The following KSR2 variants were observed in gnomAD, a reference collection of about 807,000 sequenced individuals.
KSR2 encodes the protein kinase suppressor of ras 2.
A neutral mutation model predicts 107.8 loss-of-function variants in KSR2; 25 were observed. The ratio of observed to expected loss-of-function variants is 0.23; its 90% confidence interval spans 0.17 to 0.32. The LOEUF (loss-of-function observed/expected upper bound fraction) is 0.32. KSR2 is among the 10% of genes least tolerant of loss of function. The pLI is 1.00. For synonymous variants in KSR2, 480 were observed against 507.0 expected, an observed-to-expected ratio of 0.95 and a Z score of 0.71; for missense variants, 887 against 1,268.9, an observed-to-expected ratio of 0.70 and a Z score of 4.57.
At chr12:117,836,935 T>G (rs1346943307) in intron 3 of KSR2, among the ~76,000 whole-genome samples, 2 of 152,244 alleles carry the variant, frequency 1.3e-5, no homozygotes, top group East Asian at 1.9e-4. Flanking sequence ...TTTCTGTCGC[T>G]TCGGAGCTCC....
intron 4 of KSR2, among the ~76,000 whole-genome samples, chr12:117,725,203 A>G (rs1486766899): frequency 6.6e-6 from 1 of 152,148 alleles, no homozygotes; most frequent in East Asian, 1.9e-4. Flanking sequence ...TTGTCTCCCA[A>G]CTGCACTCAC....
At chr12:117,473,882 C>A (rs1431824348) in intron 17 of KSR2, among the ~76,000 whole-genome samples, 1 of 152,196 alleles carries the variant, frequency 6.6e-6, no homozygotes, top group Non-Finnish European at 1.5e-5. Context: ...CCATCTGAAG[C>A]CTCAGTATTC....
At chr12:117,840,659 G>A (rs978519725) in intron 3 of KSR2, among the ~76,000 whole-genome samples, 1 of 151,822 alleles carries the variant, frequency 6.6e-6, no homozygotes, top group African/African-American at 2.4e-5. Context: ...GCATCCCAAA[G>A]TGCTGGGATT....
At chr12:117,729,030 C>T (rs747763481) in intron 4 of KSR2, among the ~76,000 whole-genome samples, 27 of 152,256 alleles carry the variant, frequency 1.8e-4, no homozygotes, top group African/African-American at 6.3e-4. Context: ...TTGCAAAATG[C>T]GGTTAGCGGT....
At chr12:117,608,139 C>T (rs139936022) in intron 5 of KSR2, among the ~76,000 whole-genome samples, 2 of 152,312 alleles carry the variant, frequency 1.3e-5, no homozygotes, top group East Asian at 1.9e-4. Context: ...AAACAGGGAA[C>T]AGTACTTAAC....
chr12:117,611,539 A>G (rs1163064940), intron 5 of KSR2, among the ~76,000 whole-genome samples: 1 of 151,636 alleles, frequency 6.6e-6, no homozygotes, highest in East Asian at 1.9e-4. Flanking sequence ...TTATGTTTAC[A>G]TTATAGAAAG....
intron 3 of KSR2, among the ~76,000 whole-genome samples, chr12:117,847,591 A>AG (rs1763402181): frequency 6.6e-6 from 1 of 152,160 alleles, no homozygotes; most frequent in African/African-American, 2.4e-5. Context: ...CTCTGCAGCC[A>AG]GAGTGTTATT....
chr12:117,742,532 G>GTGGA (rs59750473), intron 4 of KSR2, among the ~76,000 whole-genome samples: 96,959 of 149,456 alleles, frequency 0.65, 31,643 homozygotes, highest in Non-Finnish European at 0.71. Context: ...GGATGGATGG[G>GTGGA]TGGATGGATG....
chr12:117,799,979 C>T (rs117011089), intron 3 of KSR2, among the ~76,000 whole-genome samples: 2,620 of 152,304 alleles, frequency 0.017, 48 homozygotes, highest in Non-Finnish European at 0.025. Flanking sequence ...GGCTGGACGC[C>T]TGCAAGATGA....
At chr12:117,498,916 T>C (rs1158277873) in intron 14 of KSR2, among the ~76,000 whole-genome samples, 1 of 152,240 alleles carries the variant, frequency 6.6e-6, no homozygotes, top group Non-Finnish European at 1.5e-5. Context: ...GTAAATTGCC[T>C]AGTCTCAGGT....
rs77147928 is a variant in KSR2, at chr12:117,745,011, G to A, written c.986+16000C>T. ...TCCCCCCAACAAAACTATGAACTAA[G>A]TGCTGTTATGAGCCTCATTATATAG... On this transcript the variant is annotated intron_variant, in intron 4 of 19. Transcript: ENST00000339824. Among the ~76,000 whole-genome samples the A allele has an allele frequency of 1.6e-4, 24 of 152,220 alleles. No homozygotes were observed. In the East Asian group the frequency reaches 4.2e-3, roughly 27 times the overall value.
At chr12:117,616,850 GC>G (rs1421095265) in intron 5 of KSR2, among the ~76,000 whole-genome samples, 1 of 152,144 alleles carries the variant, frequency 6.6e-6, no homozygotes, top group Non-Finnish European at 1.5e-5. Flanking sequence ...TGGATAGAAA[GC>G]CAGGCTCCAT....
chr12:117,930,187 C>T (rs1303412495), intron 1 of KSR2, among the ~76,000 whole-genome samples: 1 of 152,056 alleles, frequency 6.6e-6, no homozygotes, highest in Non-Finnish European at 1.5e-5. Context: ...GCACACACCA[C>T]CCATCCAGAT....
intron 19 of KSR2, 146 bp downstream of exon 19, chr12:117,469,516 C>G: frequency 1.1e-6 from 1 of 915,570 alleles, no homozygotes; most frequent in Middle Eastern, 3.0e-4. Context: ...GAACAGAAAC[C>G]TAGTAGGGAA....
chr12:117,583,795 G>A (rs1457979130), intron 5 of KSR2, among the ~76,000 whole-genome samples: 1 of 151,988 alleles, frequency 6.6e-6, no homozygotes, highest in Non-Finnish European at 1.5e-5. Context: ...AATCTCCAGG[G>A]GACAGGGAGA....
intron 16 of KSR2, among the ~76,000 whole-genome samples, chr12:117,481,643 CTAA>C (rs1319874889): frequency 9.9e-5 from 15 of 152,222 alleles, no homozygotes; most frequent in African/African-American, 3.4e-4. Flanking sequence ...CCCAAGCTGA[CTAA>C]TACATGCACT....
chr12:117,498,649 T>C (rs2137170448), intron 14 of KSR2, among the ~76,000 whole-genome samples: 1 of 152,268 alleles, frequency 6.6e-6, no homozygotes, highest in African/African-American at 2.4e-5. Context: ...TCTTGAATTG[T>C]AGCTCCCATA....
chr12:117,708,026 CAGCCTTGTCAG>C (rs1314668692), intron 4 of KSR2, among the ~76,000 whole-genome samples: 2 of 152,236 alleles, frequency 1.3e-5, no homozygotes, highest in African/African-American at 4.8e-5. Context: ...TCTCTGCTGC[CAGCCTTGTCAG>C]AGCCTTTAAT....
intron 7 of KSR2, among the ~76,000 whole-genome samples, chr12:117,572,123 C>T (rs1660765474): frequency 1.3e-5 from 2 of 152,176 alleles, no homozygotes; most frequent in African/African-American, 4.8e-5. Context: ...ATGCTCAAGG[C>T]CTTTAACGTC....
Sources: allele counts gnomAD v4.1 joint callset (sites outside exome capture counted in the v4.1 genomes callset), GRCh38; gene constraint gnomAD v4.1.1; transcripts MANE v1.5; gene names NCBI Gene and HGNC (gene_info 2026-07-23, HGNC 2026-07-21).